Variants in ZC3H7A observed in about 807,000 individuals in gnomAD.
ZC3H7A encodes the protein zinc finger CCCH domain-containing protein 7A.
Under a neutral mutation model 125.5 loss-of-function variants are expected in ZC3H7A, and 44 were observed. The ratio of observed to expected loss-of-function variants is 0.35; its 90% CI spans 0.28 to 0.45. The LOEUF (loss-of-function observed/expected upper bound fraction) is 0.45. Among genes scored for constraint, ZC3H7A ranks in the 20% least tolerant of loss-of-function variants. The probability of loss-of-function intolerance (pLI) is 1.00; values close to 1 mark genes in which losing one functional copy is unlikely to be tolerated. For missense variants in ZC3H7A, 977 were observed against 1,170.7 expected (o/e 0.83, Z 2.41); for synonymous variants, 399 against 391.2 (o/e 1.02, Z -0.23).
chr16:11,756,507 C>T, intron 20 of ZC3H7A, 137 bp from the exon 21 acceptor site: 8 of 1,103,578 alleles, frequency 7.2e-6, no homozygotes, highest in Middle Eastern at 3.1e-4. Context: ...TTATATTAGA[C>T]ATGGAGAGAT....
chr16:11,762,772 T>TA (rs763906217), intron 16 of ZC3H7A, 25 bp from the exon 17 acceptor site: 28 of 1,610,444 alleles, frequency 1.7e-5, no homozygotes, highest in Non-Finnish European at 2.4e-5. Flanking sequence ...AGCCTTCCTT[T>TA]AAATTATATC....
intron 17 of ZC3H7A, 91 bp downstream of exon 17, chr16:11,762,580 G>GTTT (rs2052770417): frequency 8.5e-7 from 1 of 1,171,184 alleles, no homozygotes; most frequent in Non-Finnish European, 1.3e-6. Context: ...TAACTGGACT[G>GTTT]TAAGTGTTAA....
intron 4 of ZC3H7A, among the ~76,000 whole-genome samples, chr16:11,778,791 G>A (rs1345337150): frequency 2.6e-5 from 4 of 152,124 alleles, no homozygotes; most frequent in Non-Finnish European, 5.9e-5. Flanking sequence ...TCGGCTCACT[G>A]CAAGCTTCGC....
At chr16:11,764,974 G>A in intron 15 of ZC3H7A, 79 bp downstream of exon 15, 1 of 956,170 alleles carries the variant, frequency 1.0e-6, no homozygotes. Context: ...TGCCTGGACA[G>A]ACATTACTAC....
intron 7 of ZC3H7A, chr16:11,775,604 T>C (rs1596394363): frequency 6.6e-6 from 1 of 152,112 alleles, no homozygotes; most frequent in African/African-American, 2.4e-5. Flanking sequence ...CCACCAATCA[T>C]TGCCCAACTC....
At chr16:11,786,002 T>C (rs569705581) in intron 1 of ZC3H7A, among the ~76,000 whole-genome samples, 3 of 152,254 alleles carry the variant, frequency 2.0e-5, no homozygotes, top group East Asian at 1.9e-4. Flanking sequence ...GATGGAATCA[T>C]GGGAGACTAC....
intron 20 of ZC3H7A, among the ~76,000 whole-genome samples, chr16:11,757,255 C>T (rs561642040): frequency 3.3e-5 from 5 of 152,042 alleles, no homozygotes; most frequent in South Asian, 2.1e-4. Context: ...GAGGCTGAGG[C>T]GGGTGGATCA....
chr16:11,759,651 G>T (rs1404270580), intron 19 of ZC3H7A: 3 of 152,216 alleles, frequency 2.0e-5, no homozygotes, highest in Non-Finnish European at 4.4e-5. Context: ...ACTGTGCCAG[G>T]TGTTTACATA....
chr16:11,783,366 G>C (rs2053204223), intron 1 of ZC3H7A, among the ~76,000 whole-genome samples: 1 of 152,064 alleles, frequency 6.6e-6, no homozygotes. Flanking sequence ...CGTTCACCGA[G>C]CAGTTCCCCA....
chr16:11,756,400 A>G, intron 20 of ZC3H7A, 30 bp from the exon 21 acceptor site: 1 of 1,606,150 alleles, frequency 6.2e-7, no homozygotes, highest in Non-Finnish European at 8.5e-7. Context: ...TTTCAGCAGC[A>G]GCAACTAAAC....
chr16:11,784,538 G>A (rs1437442421), intron 1 of ZC3H7A, among the ~76,000 whole-genome samples: 1 of 151,748 alleles, frequency 6.6e-6, no homozygotes, highest in Non-Finnish European at 1.5e-5. Flanking sequence ...GGGCAACACA[G>A]GGAGACCCCC....
At chr16:11,763,995 C>G (rs902213634) in intron 15 of ZC3H7A, among the ~76,000 whole-genome samples, 1 of 151,362 alleles carries the variant, frequency 6.6e-6, no homozygotes, top group African/African-American at 2.4e-5. Context: ...GGGGTTTCAC[C>G]GTGTTAGCCA....
At chr16:11,760,485 T>A (rs2052735353) in intron 19 of ZC3H7A, among the ~76,000 whole-genome samples, 1 of 152,230 alleles carries the variant, frequency 6.6e-6, no homozygotes, top group East Asian at 1.9e-4. Context: ...GTGTTACTTG[T>A]GTAAGTTTTA....
chr16:11,768,171 T>G (rs911212538), intron 12 of ZC3H7A, 144 bp downstream of exon 12: 2 of 750,024 alleles, frequency 2.7e-6, no homozygotes, highest in African/African-American at 3.6e-5. Context: ...AATCAGTAAC[T>G]GCTACTTGTT....
At position 11,768,604 on chromosome 16, in the gene ZC3H7A, T is replaced by C. The variant is rs2052911208; in HGVS notation, c.1174-103A>G. On this transcript the variant is annotated intron_variant, in intron 11 of 22. Coordinates refer to ENST00000355758, the MANE Select transcript of ZC3H7A (RefSeq NM_014153.4). ...CATCTGAAAAATAAGATAATCTTCA[T>C]AAACTGAGGTCAGTACTACTCCATC... 8.6e-6 allele frequency: 9 copies of C among 1,052,004 alleles called. No individual in the cohort carries two copies. The South Asian group carries it at 1.8e-4, about 21-fold the overall frequency. The allele number at this position is 1,052,004 out of a possible 1,614,324, so 65.2% of individuals were successfully genotyped here.
chr16:11,759,237 G>A (rs1157897057), intron 19 of ZC3H7A: 2 of 152,200 alleles, frequency 1.3e-5, no homozygotes, highest in African/African-American at 4.8e-5. Flanking sequence ...CTCCATCACG[G>A]AGAATGCATT....
intron 19 of ZC3H7A, among the ~76,000 whole-genome samples, chr16:11,760,139 A>AAAAAAAAG (rs1555493882): frequency 2.0e-5 from 3 of 149,704 alleles, no homozygotes; most frequent in African/African-American, 7.4e-5. Flanking sequence ...AAAAAAAAAA[A>AAAAAAAAG]AAAAAAGAAA....
intron 1 of ZC3H7A, among the ~76,000 whole-genome samples, chr16:11,791,483 C>T (rs868692181): frequency 6.6e-6 from 1 of 152,204 alleles, no homozygotes; most frequent in Non-Finnish European, 1.5e-5. Flanking sequence ...AGTCTCACCC[C>T]TCTTATTCAC....
At chr16:11,773,107 C>T (rs964543274) in intron 9 of ZC3H7A, among the ~76,000 whole-genome samples, 4 of 151,948 alleles carry the variant, frequency 2.6e-5, no homozygotes, top group African/African-American at 9.7e-5. Flanking sequence ...ACAGACAGCA[C>T]ATAAAATGAA....
Sources: allele counts gnomAD v4.1 joint callset (sites outside exome capture counted in the v4.1 genomes callset), GRCh38; gene constraint gnomAD v4.1.1; transcripts MANE v1.5; gene names NCBI Gene and HGNC (gene_info 2026-07-23, HGNC 2026-07-21).